The following DPH6 variants were observed in gnomAD, a reference collection of about 807,000 sequenced individuals.
DPH6 encodes diphthine--ammonia ligase.
Under a neutral mutation model 38.2 loss-of-function variants are expected in DPH6, and 33 were observed. That is an observed-to-expected ratio of 0.86 (90% confidence interval 0.65 to 1.15). DPH6 has a LOEUF of 1.15. Ranked by LOEUF, DPH6 falls within the 50% of genes most tolerant of loss-of-function variation. The pLI is 0.00. For synonymous variants in DPH6, 108 were observed against 103.0 expected, an observed-to-expected ratio of 1.05 and a Z score of -0.30; for missense variants, 325 against 320.0, an observed-to-expected ratio of 1.02 and a Z score of -0.12.
At chr15:35,366,354 C>T (rs530938692), downstream of DPH6, among the ~76,000 whole-genome samples, 4 of 151,486 alleles carry the variant, frequency 2.6e-5, no homozygotes, top group Admixed American at 1.3e-4. Flanking sequence ...AATGTTTTCA[C>T]CTGAGTTCAA....
the DPH6 span, among the ~76,000 whole-genome samples, chr15:35,185,084 G>GA: frequency 0.15 from 22,674 of 148,168 alleles, 2,095 homozygotes; most frequent in East Asian, 0.38. Context: ...TCCAATGTGG[G>GA]AAAAAAAAAA....
At chr15:35,226,957 G>C in intron 3 of DPH6, among the ~76,000 whole-genome samples, 1 of 152,012 alleles carries the variant, frequency 6.6e-6, no homozygotes, top group South Asian at 2.1e-4. Context: ...TTCTGTCTGG[G>C]CTTTTCTTTA....
the DPH6 span, among the ~76,000 whole-genome samples, chr15:35,175,169 C>T: frequency 1.3e-5 from 2 of 152,190 alleles, no homozygotes; most frequent in Non-Finnish European, 2.9e-5. Context: ...GCTGGTAATA[C>T]TGTACATTGC....
chr15:35,220,166 A>T (rs991003453), exon 4 of DPH6: 1 of 152,118 alleles, frequency 6.6e-6, no homozygotes, highest in African/African-American at 2.4e-5. Flanking sequence ...GTCTACTATA[A>T]TTTTTTTCTT....
chr15:35,290,955 C>T (rs1182775297), intron 3 of DPH6, among the ~76,000 whole-genome samples: 3 of 151,914 alleles, frequency 2.0e-5, no homozygotes, highest in Admixed American at 6.6e-5. Flanking sequence ...AAACAATATC[C>T]ACCATGTAAC....
intron 3 of DPH6, among the ~76,000 whole-genome samples, chr15:35,311,046 T>G: frequency 6.8e-6 from 1 of 146,644 alleles, no homozygotes; most frequent in Non-Finnish European, 1.5e-5. Context: ...GCAACAAGAG[T>G]GAAACGCCAC....
the DPH6 span, among the ~76,000 whole-genome samples, chr15:35,175,473 C>T: frequency 1.3e-5 from 2 of 152,188 alleles, no homozygotes; most frequent in African/African-American, 2.4e-5. Context: ...TAATTCCATA[C>T]CAAACATGTA....
chr15:35,231,655 C>G (rs1275678473), intron 3 of DPH6, among the ~76,000 whole-genome samples: 1 of 152,186 alleles, frequency 6.6e-6, no homozygotes, highest in Non-Finnish European at 1.5e-5. Context: ...TTAAGGAATA[C>G]TTGAGGCAGG....
chr15:35,347,542 C>A (rs1034301366), intron 3 of DPH6, among the ~76,000 whole-genome samples: 2 of 149,682 alleles, frequency 1.3e-5, no homozygotes, highest in Non-Finnish European at 3.0e-5. Flanking sequence ...TGTTGATAGA[C>A]ATTTAGGTTG....
chr15:35,169,219 T>C, the DPH6 span, among the ~76,000 whole-genome samples: 2 of 152,098 alleles, frequency 1.3e-5, no homozygotes, highest in African/African-American at 4.8e-5. Context: ...CATGAAAATG[T>C]GAATGTGTAG....
chr15:35,289,547 T>C (rs1196286993), intron 3 of DPH6, among the ~76,000 whole-genome samples: 1 of 152,196 alleles, frequency 6.6e-6, no homozygotes, highest in Non-Finnish European at 1.5e-5. Context: ...GATGAAAAGA[T>C]TGAAAGAATC....
At chr15:35,544,830 T>A (rs1176667625) in intron 1 of DPH6, among the ~76,000 whole-genome samples, 1 of 152,082 alleles carries the variant, frequency 6.6e-6, no homozygotes, top group East Asian at 1.9e-4. Context: ...TAAGTCTTTG[T>A]TTGTTGTGCT....
chr15:35,222,175 G>A (rs751913235), intron 3 of DPH6, among the ~76,000 whole-genome samples: 5 of 152,128 alleles, frequency 3.3e-5, no homozygotes, highest in African/African-American at 1.2e-4. Flanking sequence ...CTCTTCTTCT[G>A]AGCCATGTAG....
At chr15:35,382,262 C>T (rs546814563) in intron 6 of DPH6, among the ~76,000 whole-genome samples, 25 of 151,668 alleles carry the variant, frequency 1.6e-4, no homozygotes, top group Admixed American at 8.5e-4. Flanking sequence ...GGTGAAACAC[C>T]GTCTCTACTA....
At chr15:35,259,144 C>CAAA (rs3028681) in intron 3 of DPH6, among the ~76,000 whole-genome samples, 1 of 133,872 alleles carries the variant, frequency 7.5e-6, no homozygotes, top group Non-Finnish European at 1.6e-5. Context: ...GACTCCGTCT[C>CAAA]AAAAAAAAAA....
chr15:35,306,664 C>T (rs751402943), intron 3 of DPH6, among the ~76,000 whole-genome samples: 2 of 152,226 alleles, frequency 1.3e-5, no homozygotes, highest in Non-Finnish European at 2.9e-5. Context: ...CCTTACATAA[C>T]CTCCCATTCT....
At chr15:35,503,213 C>A (rs1020991602) in intron 3 of DPH6, among the ~76,000 whole-genome samples, 1 of 151,772 alleles carries the variant, frequency 6.6e-6, no homozygotes, top group Non-Finnish European at 1.5e-5. Context: ...CTGTTACATA[C>A]CTTTGTTATA....
chr15:35,189,821 C>T, the DPH6 span, among the ~76,000 whole-genome samples: 13 of 152,120 alleles, frequency 8.5e-5, no homozygotes, highest in East Asian at 1.9e-4. Context: ...TCCTTTTTAC[C>T]GGGGGCTGCA....
intron 6 of DPH6, among the ~76,000 whole-genome samples, chr15:35,394,308 CT>C (rs1264721227): frequency 6.6e-6 from 1 of 152,116 alleles, no homozygotes; most frequent in Non-Finnish European, 1.5e-5. Context: ...CTCAAAATGA[CT>C]TTTAAAAATA....
Sources: gnomAD v4.1 joint callset for allele counts (sites outside exome capture counted in the v4.1 genomes callset) on GRCh38, gnomAD v4.1.1 for gene constraint, MANE v1.5 for transcripts, NCBI Gene and HGNC (gene_info 2026-07-23, HGNC 2026-07-21) for gene names.